The following NEBL variants were observed in gnomAD, a reference collection of about 807,000 sequenced individuals.
The protein encoded by NEBL is nebulette.
NEBL carries 122 observed loss-of-function variants against 140.2 expected under a neutral mutation model. The ratio of observed to expected loss-of-function variants is 0.87; its 90% CI spans 0.75 to 1.01. The LOEUF (loss-of-function observed/expected upper bound fraction) is 1.01, where lower values mean the gene tolerates loss of function less well. NEBL is among the 50% of genes least tolerant of loss of function. NEBL has a pLI of 0.00. For missense variants in NEBL, 1,365 were observed against 1,231.3 expected, an observed-to-expected ratio of 1.11 and a Z score of -1.62; for synonymous variants, 436 against 398.9, an observed-to-expected ratio of 1.09 and a Z score of -1.11.
intron 26 of NEBL, among the ~76,000 whole-genome samples, chr10:20,802,673 C>T (rs1018619381): frequency 2.0e-5 from 3 of 152,098 alleles, no homozygotes; most frequent in Middle Eastern, 3.2e-3. Flanking sequence ...CAAATGTGAA[C>T]GATGAAAACC....
chr10:20,862,966 C>T (rs1020900341), intron 7 of NEBL, among the ~76,000 whole-genome samples: 26 of 151,928 alleles, frequency 1.7e-4, no homozygotes, highest in African/African-American at 6.0e-4. Context: ...GCATGCAGTG[C>T]ATAATAATCA....
chr10:20,845,627 A>C, intron 11 of NEBL: 1 of 368,380 alleles, frequency 2.7e-6, no homozygotes, highest in East Asian at 5.3e-5. Flanking sequence ...CTAGCCTAGG[A>C]TTAATATCAG....
At chr10:21,005,619 C>T (rs1241169721) in intron 3 of NEBL, among the ~76,000 whole-genome samples, 4 of 151,942 alleles carry the variant, frequency 2.6e-5, no homozygotes, top group Admixed American at 6.6e-5. Context: ...TTGTGATCCC[C>T]GCTACTCGGG....
At chr10:21,065,755 G>C (rs1835505244) in intron 2 of NEBL, among the ~76,000 whole-genome samples, 1 of 152,200 alleles carries the variant, frequency 6.6e-6, no homozygotes, top group South Asian at 2.1e-4. Context: ...CCCAGGGGCT[G>C]TGAGCAGATG....
At chr10:20,797,588 G>A (rs1159775123) in intron 26 of NEBL, among the ~76,000 whole-genome samples, 1 of 152,144 alleles carries the variant, frequency 6.6e-6, no homozygotes, top group African/African-American at 2.4e-5. Flanking sequence ...GAAAGTAAAT[G>A]TGAATGATTG....
intron 3 of NEBL, among the ~76,000 whole-genome samples, chr10:21,224,169 C>A (rs900240243): frequency 6.6e-6 from 1 of 152,136 alleles, no homozygotes; most frequent in South Asian, 2.1e-4. Context: ...AGTTTTTAAT[C>A]CATTTTGATT....
intron 3 of NEBL, among the ~76,000 whole-genome samples, chr10:21,191,589 T>C (rs1841574682): frequency 1.3e-5 from 2 of 152,230 alleles, no homozygotes; most frequent in African/African-American, 4.8e-5. Context: ...TTGTTGTTAC[T>C]TTGCTAGGCC....
intron 3 of NEBL, among the ~76,000 whole-genome samples, chr10:20,966,179 TG>T (rs1424791440): frequency 1.3e-5 from 2 of 152,262 alleles, no homozygotes; most frequent in Non-Finnish European, 2.9e-5. Context: ...ATTCTATATA[TG>T]TCATATGTGT....
intron 4 of NEBL, 32 bp from the exon 5 acceptor site, chr10:20,880,936 T>C (rs1196979576): frequency 2.1e-5 from 33 of 1,549,762 alleles, no homozygotes; most frequent in Non-Finnish European, 2.8e-5. Flanking sequence ...TAGTCCCATT[T>C]AGAGGCATAT....
At chr10:21,232,443 T>A (rs1842278689) in intron 3 of NEBL, among the ~76,000 whole-genome samples, 1 of 152,168 alleles carries the variant, frequency 6.6e-6, no homozygotes, top group East Asian at 1.9e-4. Context: ...TATTACATTG[T>A]AATATATGAG....
chr10:21,232,881 C>T (rs1040267158), intron 3 of NEBL, among the ~76,000 whole-genome samples: 3 of 152,136 alleles, frequency 2.0e-5, no homozygotes, highest in African/African-American at 7.2e-5. Context: ...TCAGAAGTTG[C>T]AGTAGTTCAG....
chr10:21,037,818 T>C (rs2131822510), intron 2 of NEBL, among the ~76,000 whole-genome samples: 1 of 93,734 alleles, frequency 1.1e-5, no homozygotes, highest in Middle Eastern at 5.1e-3. Flanking sequence ...TAATGAAGAG[T>C]AGAAAGATAG....
In NEBL at chr10:21,202,466, T is replaced by TTTTC. The variant is rs1554832838; in HGVS notation, n.349-29990_349-29989insGAAA. 1.5e-3 allele frequency among the ~76,000 whole-genome samples: 221 copies of TTTTC among 144,574 alleles called. 1 individual carries two copies. The highest frequency in any genetic ancestry group is 5.5e-3 in the African/African-American group (211 of 38,614). The allele number at this position is 144,574 out of a possible 152,430, so 94.8% of individuals were successfully genotyped here. On this transcript the variant is annotated intron_variant and non_coding_transcript_variant, in intron 3 of 8. Coordinates refer to the NEBL transcript ENST00000675702. ...CTAATTTTTCTTTTCTTTTTCTTTT[T>TTTTC]TTTTTTTTTTTTTTTGAAACAGAGT...
chr10:21,194,240 G>A (rs1215250105), intron 3 of NEBL, among the ~76,000 whole-genome samples: 1 of 152,044 alleles, frequency 6.6e-6, no homozygotes, highest in Non-Finnish European at 1.5e-5. Context: ...CCAAAGTACT[G>A]GGATTATAAG....
At chr10:20,920,367 C>T (rs1057463906) in intron 4 of NEBL, among the ~76,000 whole-genome samples, 1 of 152,256 alleles carries the variant, frequency 6.6e-6, no homozygotes, top group East Asian at 1.9e-4. Flanking sequence ...ACAATACTAG[C>T]AATAGCAAAA....
At chr10:21,060,033 T>C (rs1336687505) in intron 2 of NEBL, among the ~76,000 whole-genome samples, 1 of 152,176 alleles carries the variant, frequency 6.6e-6, no homozygotes, top group African/African-American at 2.4e-5. Context: ...CAAATACAAA[T>C]ATTTTAAGTC....
At chr10:20,883,910 T>C (rs931248205) in intron 4 of NEBL, among the ~76,000 whole-genome samples, 1 of 152,226 alleles carries the variant, frequency 6.6e-6, no homozygotes, top group Non-Finnish European at 1.5e-5. Context: ...AACTTTAATT[T>C]ATCATATTCA....
chr10:20,937,507 T>G (rs966391698), intron 4 of NEBL, among the ~76,000 whole-genome samples: 3 of 152,060 alleles, frequency 2.0e-5, no homozygotes, highest in Non-Finnish European at 2.9e-5. Flanking sequence ...CAGCTCCCAG[T>G]GTGAGTGACG....
At chr10:21,047,735 T>G (rs1834585283) in intron 2 of NEBL, among the ~76,000 whole-genome samples, 1 of 152,194 alleles carries the variant, frequency 6.6e-6, no homozygotes, top group Admixed American at 6.5e-5. Context: ...ATCCTTGTTC[T>G]GCCACCAACT....
Sources: allele counts gnomAD v4.1 joint callset (sites outside exome capture counted in the v4.1 genomes callset), GRCh38; gene constraint gnomAD v4.1.1; transcripts MANE v1.5; gene names NCBI Gene and HGNC (gene_info 2026-07-23, HGNC 2026-07-21).